SLC20A2: variants seen among roughly 807,000 people sequenced by gnomAD.
The protein encoded by SLC20A2 is solute carrier family 20 member 2.
SLC20A2 carries 30 observed loss-of-function variants against 61.0 expected under a neutral mutation model. The ratio of observed to expected loss-of-function variants is 0.49; its 90% CI spans 0.37 to 0.67. The LOEUF is 0.67. Ranked by LOEUF, SLC20A2 falls within the 30% of genes least tolerant of loss-of-function variation. SLC20A2 has a pLI of 0.00. For missense variants in SLC20A2, 626 were observed against 866.4 expected, an observed-to-expected ratio of 0.72 and a Z score of 3.48; for synonymous variants, 351 against 353.3, an observed-to-expected ratio of 0.99 and a Z score of 0.07.
intron 8 of SLC20A2, among the ~76,000 whole-genome samples, chr8:42,435,972 C>T (rs750766859): frequency 9.8e-4 from 149 of 152,122 alleles, no homozygotes; most frequent in Middle Eastern, 3.4e-3. Flanking sequence ...AAAAATTAGC[C>T]GGGCCAGGTT....
intron 5 of SLC20A2, among the ~76,000 whole-genome samples, chr8:42,454,161 G>A (rs1470077301): frequency 6.6e-6 from 1 of 152,092 alleles, no homozygotes; most frequent in Admixed American, 6.5e-5. Flanking sequence ...CTGCCACCAC[G>A]CTGGGCAAAT....
intron 1 of SLC20A2, among the ~76,000 whole-genome samples, chr8:42,525,581 CAAA>C (rs34356863): frequency 2.8e-3 from 189 of 68,724 alleles, no homozygotes; most frequent in African/African-American, 9.6e-3. Context: ...GACTCTGTCT[CAAA>C]AAAAAAAAAA....
chr8:42,525,581 C>CAAAAAAAAAAA (rs34356863), intron 1 of SLC20A2, among the ~76,000 whole-genome samples: 63 of 68,672 alleles, frequency 9.2e-4, no homozygotes, highest in South Asian at 1.7e-3. Context: ...GACTCTGTCT[C>CAAAAAAAAAAA]AAAAAAAAAA....
chr8:42,421,414 C>G (rs552276343), intron 10 of SLC20A2, among the ~76,000 whole-genome samples: 61 of 152,282 alleles, frequency 4.0e-4, no homozygotes, highest in African/African-American at 1.4e-3. Context: ...CCTCCCGTTA[C>G]ATTTTCTAAT....
intron 5 of SLC20A2, among the ~76,000 whole-genome samples, chr8:42,450,278 A>C (rs1307864737): frequency 6.7e-6 from 1 of 149,004 alleles, no homozygotes; most frequent in Non-Finnish European, 1.5e-5. Flanking sequence ...CCCAGGCTGG[A>C]GTAAAGTGGT....
chr8:42,534,361 C>T (rs1563556539), intron 1 of SLC20A2, among the ~76,000 whole-genome samples: 1 of 152,174 alleles, frequency 6.6e-6, no homozygotes, highest in Non-Finnish European at 1.5e-5. Context: ...GCAAGTTTAA[C>T]ACAATGGTTA....
intron 1 of SLC20A2, among the ~76,000 whole-genome samples, chr8:42,495,472 A>G (rs1382195674): frequency 1.3e-5 from 2 of 152,216 alleles, no homozygotes; most frequent in African/African-American, 4.8e-5. Flanking sequence ...ATCTCTGTAC[A>G]GACACCATGT....
At chr8:42,428,392 C>T (rs989471401) in intron 10 of SLC20A2, among the ~76,000 whole-genome samples, 2 of 152,270 alleles carry the variant, frequency 1.3e-5, no homozygotes, top group Non-Finnish European at 2.9e-5. Flanking sequence ...AACCCCCAGT[C>T]CCCTCATTGG....
chr8:42,527,155 C>T (rs1263764066), intron 1 of SLC20A2, among the ~76,000 whole-genome samples: 2 of 151,468 alleles, frequency 1.3e-5, no homozygotes, highest in Admixed American at 6.6e-5. Flanking sequence ...CCTGTAACCC[C>T]AGCACTTTGG....
At chr8:42,459,786 C>A (rs1806555599) in intron 5 of SLC20A2, 110 bp downstream of exon 5, 1 of 696,712 alleles carries the variant, frequency 1.4e-6, no homozygotes, top group Admixed American at 2.3e-5. Flanking sequence ...TCCATAATGA[C>A]CATGAGTAAT....
intron 2 of SLC20A2, among the ~76,000 whole-genome samples, chr8:42,467,275 G>A (rs1807249131): frequency 6.6e-6 from 1 of 152,174 alleles, no homozygotes; most frequent in Admixed American, 6.5e-5. Context: ...TGTTGGCTTT[G>A]TGTCCTTTTA....
chr8:42,477,203 G>A (rs1808185722), intron 1 of SLC20A2, among the ~76,000 whole-genome samples: 1 of 152,142 alleles, frequency 6.6e-6, no homozygotes, highest in South Asian at 2.1e-4. Context: ...ATTATTGTGA[G>A]GAACAAACTT....
intron 4 of SLC20A2, among the ~76,000 whole-genome samples, chr8:42,462,624 T>C (rs565635149): frequency 6.6e-6 from 1 of 152,180 alleles, no homozygotes; most frequent in East Asian, 1.9e-4. Flanking sequence ...ACCTTCACAT[T>C]TGGGTGAGGA....
intron 3 of SLC20A2, among the ~76,000 whole-genome samples, chr8:42,464,137 GC>G (rs1806958409): frequency 1.8e-5 from 1 of 55,016 alleles, no homozygotes; most frequent in African/African-American, 4.5e-5. Flanking sequence ...ACAGGGTCTT[GC>G]TCTGTCACCC....
At chr8:42,532,987 T>C (rs769879714) in intron 1 of SLC20A2, among the ~76,000 whole-genome samples, 11 of 151,708 alleles carry the variant, frequency 7.3e-5, no homozygotes, top group Non-Finnish European at 1.6e-4. Flanking sequence ...AATAAGAAAT[T>C]CTGGACCGAA....
At chr8:42,516,294 T>C (rs1285135376) in intron 1 of SLC20A2, among the ~76,000 whole-genome samples, 1 of 152,234 alleles carries the variant, frequency 6.6e-6, no homozygotes, top group Non-Finnish European at 1.5e-5. Flanking sequence ...TCAAAAGCAC[T>C]CCTTCCATAA....
intron 8 of SLC20A2, among the ~76,000 whole-genome samples, chr8:42,435,166 C>A (rs1298485580): frequency 1.3e-5 from 2 of 152,114 alleles, no homozygotes; most frequent in Non-Finnish European, 2.9e-5. Context: ...CAAGAAAATA[C>A]CAAATAAAAT....
chr8:42,541,429 G>A (rs1475208872), intron 1 of SLC20A2: 1 of 146,648 alleles, frequency 6.8e-6, no homozygotes, highest in Non-Finnish European at 1.5e-5. Flanking sequence ...CGCGGTAGGG[G>A]AAAGGAGCCC....
At chr8:42,516,198 G>A (rs992811139) in intron 1 of SLC20A2, among the ~76,000 whole-genome samples, 8 of 152,154 alleles carry the variant, frequency 5.3e-5, no homozygotes, top group African/African-American at 1.7e-4. Flanking sequence ...AGTAACTTAC[G>A]CACTGCAGTT....
Sources: allele counts gnomAD v4.1 joint callset (sites outside exome capture counted in the v4.1 genomes callset), GRCh38; gene constraint gnomAD v4.1.1; transcripts MANE v1.5; gene names NCBI Gene and HGNC (gene_info 2026-07-23, HGNC 2026-07-21).